ARF4: variants seen among roughly 807,000 people sequenced by gnomAD.
ARF4 encodes ADP-ribosylation factor 4.
In ARF4, 5 loss-of-function variants were observed where a neutral mutation model predicts 24.3. The ratio of observed to expected loss-of-function variants is 0.21; its 90% confidence interval spans 0.11 to 0.43. The LOEUF (loss-of-function observed/expected upper bound fraction) is 0.43. ARF4 is among the 20% of genes least tolerant of loss of function. The pLI, the probability that ARF4 is intolerant of heterozygous loss-of-function variation, is 1.00. For synonymous variants in ARF4, 62 were observed against 73.5 expected, an observed-to-expected ratio of 0.84 and a Z score of 0.80; for missense variants, 107 against 213.0, an observed-to-expected ratio of 0.50 and a Z score of 3.10.
rs565532402 is a variant in ARF4, at chr3:57,591,760, C to T, written c.67+5314G>A. Among the ~76,000 whole-genome samples, 4 of 152,150 alleles carry T rather than the reference C, an allele frequency of 2.6e-5. No homozygotes were observed. The South Asian group carries it at 8.3e-4, about 32-fold the overall frequency. ...GATTACAGGCGTGAGCCACCGCGCC[C>T]GGCCATTATGAATGAACTTTGACAA... is the stretch of plus-strand genomic sequence containing the variant. On this transcript the variant is annotated intron_variant, in intron 1 of 5. Transcript: ENST00000303436.
chr3:57,582,022 T>C (rs1399730491), intron 3 of ARF4, among the ~76,000 whole-genome samples: 3 of 152,154 alleles, frequency 2.0e-5, no homozygotes. Flanking sequence ...GTATATCGGA[T>C]TTTGGATTTC....
intron 4 of ARF4, among the ~76,000 whole-genome samples, chr3:57,576,860 A>G (rs2069911549): frequency 1.3e-5 from 2 of 152,150 alleles, no homozygotes; most frequent in Non-Finnish European, 2.9e-5. Context: ...CTATTAAAAA[A>G]CATTTCTGAA....
chr3:57,575,920 A>G (rs1460447868), intron 4 of ARF4, among the ~76,000 whole-genome samples: 1 of 152,178 alleles, frequency 6.6e-6, no homozygotes, highest in Admixed American at 6.5e-5. Context: ...CCATTAAATT[A>G]AAGCAAATCA....
rs2069849986 is a variant in ARF4 at position 57,572,201 on chromosome 3, T to A, written c.*11A>T. 1.9e-6 allele frequency: 3 copies of A among 1,607,044 alleles called. No homozygotes were observed. Among genetic ancestry groups the A allele is most frequent in the Non-Finnish European group, 1.7e-6 (2 of 1,173,896 alleles). On this transcript the variant is annotated 3_prime_UTR_variant, in exon 6 of 6. Coordinates refer to ENST00000303436, the MANE Select transcript of ARF4 (RefSeq NM_001660.4). ...TATCAAACATGTCCTTGGTTAGATA[T>A]CCAATTTCATTTAACGTTTTGAAAG...
rs1559781543 is a variant in ARF4, at chr3:57,572,187, T to C, written c.*25A>G. On this transcript the variant is annotated 3_prime_UTR_variant, in exon 6 of 6. Coordinates refer to ENST00000303436, the MANE Select transcript of ARF4 (RefSeq NM_001660.4). Reference sequence around the variant, plus strand: ...GCCTAGACCAATTTTATCAAACATGTCCTTGGTTAGATATCCAATTTCATT... The same window carrying C: ...GCCTAGACCAATTTTATCAAACATGCCCTTGGTTAGATATCCAATTTCATT... The C allele has an allele frequency of 6.3e-7, 1 of 1,585,314 alleles. No homozygotes were observed. Among genetic ancestry groups the C allele is most frequent in the Admixed American group, 1.7e-5 (1 of 59,948 alleles).
intron 1 of ARF4, among the ~76,000 whole-genome samples, chr3:57,592,421 G>C (rs549955611): frequency 2.1e-4 from 32 of 152,240 alleles, no homozygotes; most frequent in Non-Finnish European, 2.8e-4. Context: ...CCAGGAGGCG[G>C]AGGTTGCAGT....
In ARF4 at chr3:57,597,157, G is replaced by C. The variant is rs763055282; in HGVS notation, c.-17C>G. 4.2e-5 allele frequency: 67 copies of C among 1,610,850 alleles called. No individual in the cohort carries two copies. The Middle Eastern group carries it at 6.6e-4, about 16-fold the overall frequency. On this transcript the variant is annotated 5_prime_UTR_variant, in exon 1 of 6. Coordinates refer to ENST00000303436, the MANE Select transcript of ARF4 (RefSeq NM_001660.4). The stretch of plus-strand genomic sequence containing the variant: ...GAGGCCCATGGCGGTAGTGGCACTT[G>C]TGATGGGCAGAAGCAGAAGGGGTTT...
chr3:57,587,986 C>T (rs2070059880), intron 1 of ARF4, among the ~76,000 whole-genome samples: 1 of 152,148 alleles, frequency 6.6e-6, no homozygotes, highest in Non-Finnish European at 1.5e-5. Context: ...ACTTATAGTT[C>T]TTTACTCAAA....
intron 3 of ARF4, among the ~76,000 whole-genome samples, chr3:57,580,993 A>G (rs1178692093): frequency 6.6e-6 from 1 of 152,192 alleles, no homozygotes; most frequent in Non-Finnish European, 1.5e-5. Context: ...ATTAATCCCT[A>G]ATTATTTTCT....
chr3:57,596,857 G>A lies in ARF4; in HGVS notation c.67+217C>T, dbSNP rs72872602. Reference sequence around the variant, plus strand: ...CCGAGTCCAGAAAGAAATCTTGCCCGAAGCCCTGTCCCTGTCTCGTCTGGC... The same window carrying A: ...CCGAGTCCAGAAAGAAATCTTGCCCAAAGCCCTGTCCCTGTCTCGTCTGGC... On this transcript the variant is annotated intron_variant, in intron 1 of 5. Coordinates refer to ENST00000303436, the MANE Select transcript of ARF4 (RefSeq NM_001660.4). The A allele has an allele frequency of 5.1e-3, 2,756 of 540,244 alleles. 36 individuals are homozygous for A. The highest frequency in any genetic ancestry group is 0.031 in the African/African-American group (1,616 of 51,628). The allele number at this position is 540,244 out of a possible 1,614,324, so 33.5% of individuals were successfully genotyped here. A position where few individuals can be genotyped will look rare whatever the true frequency, so the allele number is the denominator to read the frequency against.
chr3:57,578,398 A>AG (rs2069931207), intron 3 of ARF4, among the ~76,000 whole-genome samples: 1 of 151,920 alleles, frequency 6.6e-6, no homozygotes, highest in Non-Finnish European at 1.5e-5. Context: ...CTTAAAAAAA[A>AG]AAAGAAAGAA....
intron 4 of ARF4, 44 bp from the exon 5 acceptor site, chr3:57,575,717 C>T: frequency 6.4e-7 from 1 of 1,558,594 alleles, no homozygotes; most frequent in Non-Finnish European, 8.7e-7. Context: ...AACCGGAATC[C>T]AATTTTTGAA....
chr3:57,596,963 C>T, intron 1 of ARF4, 111 bp downstream of exon 1: 1 of 1,199,056 alleles, frequency 8.3e-7, no homozygotes. Flanking sequence ...CCCGACCCGG[C>T]GCCCCTCCCC....
chr3:57,573,453 C>A (rs2069864320), intron 5 of ARF4, among the ~76,000 whole-genome samples: 1 of 152,152 alleles, frequency 6.6e-6, no homozygotes, highest in Non-Finnish European at 1.5e-5. Context: ...TGCAGGTATA[C>A]CATGTTGCCA....
chr3:57,572,723 T>C (rs959171003), intron 5 of ARF4, among the ~76,000 whole-genome samples: 1 of 152,042 alleles, frequency 6.6e-6, no homozygotes, highest in African/African-American at 2.4e-5. Flanking sequence ...GACAAGATTT[T>C]CCCCCCTCAT....
chr3:57,577,197 T>C, intron 4 of ARF4, 119 bp downstream of exon 4: 1 of 818,050 alleles, frequency 1.2e-6, no homozygotes, highest in South Asian at 1.7e-5. Flanking sequence ...CTTAAGTTTA[T>C]TTCTAGCCCC....
At chr3:57,594,383 T>G (rs1188677205) in intron 1 of ARF4, among the ~76,000 whole-genome samples, 1 of 152,196 alleles carries the variant, frequency 6.6e-6, no homozygotes, top group African/African-American at 2.4e-5. Flanking sequence ...CCACCACACC[T>G]GGCCAGAAGC....
At chr3:57,581,182 T>C (rs2069966340) in intron 3 of ARF4, among the ~76,000 whole-genome samples, 1 of 152,204 alleles carries the variant, frequency 6.6e-6, no homozygotes, top group Admixed American at 6.5e-5. Flanking sequence ...GTTAGAAACA[T>C]GGTTAAAGCT....
chr3:57,575,755 G>T, intron 4 of ARF4, 82 bp from the exon 5 acceptor site: 1 of 1,358,826 alleles, frequency 7.4e-7, no homozygotes, highest in Non-Finnish European at 9.8e-7. Context: ...ACTTTACTCA[G>T]CATTAAATAC....
Sources: gnomAD v4.1 joint callset for allele counts (sites outside exome capture counted in the v4.1 genomes callset) on GRCh38, gnomAD v4.1.1 for gene constraint, MANE v1.5 for transcripts, NCBI Gene and HGNC (gene_info 2026-07-23, HGNC 2026-07-21) for gene names.